Variants in CCDC126 observed in about 807,000 individuals in gnomAD.
CCDC126 encodes the protein coiled-coil domain containing 126.
In CCDC126, 5 loss-of-function variants were observed where a neutral mutation model predicts 11.7. The ratio of observed to expected loss-of-function variants is 0.43; its 90% confidence interval spans 0.22 to 0.90. The LOEUF (loss-of-function observed/expected upper bound fraction) is 0.90. CCDC126 is among the 40% of genes least tolerant of loss of function. CCDC126 has a pLI of 0.27. For missense variants in CCDC126, 150 were observed against 163.1 expected, an observed-to-expected ratio of 0.92 and a Z score of 0.44; for synonymous variants, 60 against 61.9, an observed-to-expected ratio of 0.97 and a Z score of 0.14.
At chr7:23,597,644 C>T (rs1782443685) in intron 1 of CCDC126, 39 bp downstream of exon 1, 1 of 152,600 alleles carries the variant, frequency 6.6e-6, no homozygotes, top group African/African-American at 2.4e-5. Flanking sequence ...CGGGCCCGCA[C>T]CTCTCGCGCG....
chr7:23,634,466 A>AAAAC (rs138777876), intron 3 of CCDC126, among the ~76,000 whole-genome samples: 1 of 152,226 alleles, frequency 6.6e-6, no homozygotes, highest in Non-Finnish European at 1.5e-5. Flanking sequence ...CATGTCTCAA[A>AAAAC]AAACAAACAA....
chr7:23,630,587 G>A (rs2128020353), intron 3 of CCDC126, among the ~76,000 whole-genome samples: 1 of 151,910 alleles, frequency 6.6e-6, no homozygotes, highest in East Asian at 1.9e-4. Flanking sequence ...TGGGCAGATT[G>A]CTTGAGAACA....
chr7:23,621,928 A>ACAT (rs1465076096), intron 3 of CCDC126, among the ~76,000 whole-genome samples: 2 of 152,202 alleles, frequency 1.3e-5, no homozygotes, highest in Non-Finnish European at 2.9e-5. Flanking sequence ...CCAGGGATGA[A>ACAT]GCCCACTTGA....
At chr7:23,617,923 G>T (rs2128017287) in intron 3 of CCDC126, among the ~76,000 whole-genome samples, 1 of 152,258 alleles carries the variant, frequency 6.6e-6, no homozygotes, top group Admixed American at 6.5e-5. Flanking sequence ...CATGGATTTT[G>T]GTATCCGTGG....
At chr7:23,610,403 G>A (rs1462926108) in intron 2 of CCDC126, among the ~76,000 whole-genome samples, 1 of 152,026 alleles carries the variant, frequency 6.6e-6, no homozygotes. Context: ...GTATAGAGAT[G>A]AGGTCTTCCT....
At chr7:23,619,854 A>T (rs1220415496) in intron 3 of CCDC126, among the ~76,000 whole-genome samples, 1 of 150,924 alleles carries the variant, frequency 6.6e-6, no homozygotes, top group Non-Finnish European at 1.5e-5. Flanking sequence ...TCCTTGCGAT[A>T]GTTTGCTGAG....
At chr7:23,615,343 G>A (rs1782780006) in intron 3 of CCDC126, among the ~76,000 whole-genome samples, 1 of 152,208 alleles carries the variant, frequency 6.6e-6, no homozygotes, top group South Asian at 2.1e-4. Flanking sequence ...AGAGAGTTGG[G>A]GTCTTGCTCT....
chr7:23,634,131 G>A (rs1783162378), intron 3 of CCDC126, among the ~76,000 whole-genome samples: 1 of 152,156 alleles, frequency 6.6e-6, no homozygotes, highest in South Asian at 2.1e-4. Context: ...TACAAACCAG[G>A]AAACAATATT....
rs559118554 is a variant in CCDC126 at position 23,624,582 on chromosome 7, A to G, written c.238+13029A>G. Among the ~76,000 whole-genome samples the G allele has an allele frequency of 1.7e-3, 257 of 152,326 alleles. 1 individual carries two copies. Among genetic ancestry groups the G allele is most frequent in the Non-Finnish European group, 1.5e-3 (100 of 68,034 alleles). The stretch of plus-strand genomic sequence containing the variant: ...CTATTTTCAGTTTTGTGGGTTGTAT[A>G]TGGTGTCTGTTATAATAAATGAGCA... On this transcript the variant is annotated intron_variant, in intron 3 of 3. Coordinates refer to ENST00000307471, the MANE Select transcript of CCDC126 (RefSeq NM_138771.4).
intron 2 of CCDC126, among the ~76,000 whole-genome samples, chr7:23,606,049 TTTTA>T (rs1202902055): frequency 6.6e-6 from 1 of 151,598 alleles, no homozygotes; most frequent in Non-Finnish European, 1.5e-5. Context: ...TTCATAGTGG[TTTTA>T]TTTATTTATT....
intron 2 of CCDC126, among the ~76,000 whole-genome samples, chr7:23,606,166 C>T (rs1165808174): frequency 1.3e-5 from 2 of 152,094 alleles, no homozygotes; most frequent in Admixed American, 1.3e-4. Flanking sequence ...TCACGCCATT[C>T]TCCTGCCTCA....
intron 2 of CCDC126, among the ~76,000 whole-genome samples, chr7:23,606,049 T>TTTTA (rs1202902055): frequency 1.4e-3 from 211 of 151,716 alleles, no homozygotes; most frequent in African/African-American, 4.6e-3. Context: ...TTCATAGTGG[T>TTTTA]TTTATTTATT....
At position 23,611,412 on chromosome 7, in the gene CCDC126, A is replaced by G. The variant is rs1782708594; in HGVS notation, c.97A>G (p.Thr33Ala). 3 of 1,613,924 alleles carry G rather than the reference A, an allele frequency of 1.9e-6. No individual in the cohort carries two copies. Among genetic ancestry groups the G allele is most frequent in the Non-Finnish European group, 1.7e-6 (2 of 1,179,854 alleles). Residue 33 changes from threonine (T) to alanine (A), a missense_variant, in exon 3 of 4, where the codon ACT becomes GCT. Thr to Ala is a moderately conservative substitution (Grantham distance 58). Coordinates refer to ENST00000307471, the MANE Select transcript of CCDC126 (RefSeq NM_138771.4). ...TTGGGGATTGATGTTACTGCACTAT[A>G]CTTTTCAACAACCAAGACATCAAAG... Reference protein sequence around the residue: ...LIWGLMLLHYTFQQPRHQSSV... With the variant: ...LIWGLMLLHYAFQQPRHQSSV...
intron 3 of CCDC126, among the ~76,000 whole-genome samples, chr7:23,636,885 G>A (rs368353431): frequency 0.025 from 2,387 of 96,060 alleles, 156 homozygotes; most frequent in African/African-American, 0.091. Flanking sequence ...CAGTCGCCCC[G>A]TCCAGGAGGG....
intron 3 of CCDC126, among the ~76,000 whole-genome samples, chr7:23,639,102 T>A (rs1474535035): frequency 6.6e-6 from 1 of 152,016 alleles, no homozygotes; most frequent in East Asian, 1.9e-4. Context: ...TTTGAAAATT[T>A]TCAACTCTAC....
intron 3 of CCDC126, among the ~76,000 whole-genome samples, chr7:23,621,282 A>C (rs996344560): frequency 4.6e-5 from 7 of 152,132 alleles, no homozygotes; most frequent in Non-Finnish European, 1.0e-4. Flanking sequence ...TTCTCCTTGA[A>C]GAGGTCCTTC....
At chr7:23,621,230 T>G (rs1782892044) in intron 3 of CCDC126, among the ~76,000 whole-genome samples, 1 of 152,248 alleles carries the variant, frequency 6.6e-6, no homozygotes, top group African/African-American at 2.4e-5. Context: ...GTTCTTCCAT[T>G]TGTTTGTATC....
At chr7:23,612,474 C>CAAAAAAAAAAAAAAAAAAAAA (rs70954395) in intron 3 of CCDC126, among the ~76,000 whole-genome samples, 1 of 56,214 alleles carries the variant, frequency 1.8e-5, no homozygotes, top group Non-Finnish European at 3.1e-5. Context: ...GACTCCATCT[C>CAAAAAAAAAAAAAAAAAAAAA]AAAAAAAAAA....
At chr7:23,624,209 A>G (rs1450565845) in intron 3 of CCDC126, among the ~76,000 whole-genome samples, 2 of 152,192 alleles carry the variant, frequency 1.3e-5, no homozygotes, top group African/African-American at 4.8e-5. Context: ...ATAAAGAGAA[A>G]AACAGTTTAC....
Sources: allele counts gnomAD v4.1 joint callset (sites outside exome capture counted in the v4.1 genomes callset), GRCh38; gene constraint gnomAD v4.1.1; transcripts MANE v1.5; gene names NCBI Gene and HGNC (gene_info 2026-07-23, HGNC 2026-07-21).